DYRK1A: variants seen among roughly 807,000 people sequenced by gnomAD.
DYRK1A encodes the protein dual specificity tyrosine-phosphorylation-regulated kinase 1A.
In DYRK1A, 9 loss-of-function variants were observed where a neutral mutation model predicts 79.7. The ratio of observed to expected loss-of-function variants is 0.11; its 90% CI spans 0.07 to 0.20. The LOEUF (loss-of-function observed/expected upper bound fraction) is 0.20. Among genes scored for constraint, DYRK1A ranks in the 10% least tolerant of loss-of-function variants. DYRK1A has a pLI of 1.00. For synonymous variants in DYRK1A, 349 were observed against 329.7 expected (o/e 1.06, Z -0.63); for missense variants, 622 against 956.0 (o/e 0.65, Z 4.61).
At position 37,480,808 on chromosome 21, in the gene DYRK1A, C is replaced by G. The variant is rs771460895; in HGVS notation, c.471C>G (p.Gly157=). 3 of 1,601,696 alleles carry G rather than the reference C, an allele frequency of 1.9e-6. No individual in the cohort carries two copies. The highest frequency in any genetic ancestry group is 3.5e-5 in the Admixed American group (2 of 57,438). ...MDRYEIDSLI[G]KGSFGQVVKA... is the part of the protein sequence containing the mutation. ...GTTACGAAATTGACTCCTTGATAGG[C>G]AAAGGTTCCTTTGGACAGGTAATTT... Residue 157 remains glycine (G), a synonymous_variant, in exon 5 of 12, where the codon GGC becomes GGG. Coordinates refer to ENST00000647188, the MANE Select transcript of DYRK1A (RefSeq NM_001347721.2).
At chr21:37,441,140 G>A (rs758130160) in intron 2 of DYRK1A, among the ~76,000 whole-genome samples, 3 of 152,066 alleles carry the variant, frequency 2.0e-5, no homozygotes, top group African/African-American at 7.2e-5. Flanking sequence ...TTTATCATTG[G>A]AAAATAACTT....
Position 37,480,882 on chromosome 21 carries a change from CTTG to C in DYRK1A, c.489+62_489+64del, listed in dbSNP as rs1319756195. The C allele has an allele frequency of 4.9e-6, 7 of 1,425,746 alleles. No homozygotes were observed. The South Asian group carries it at 5.5e-5, about 11-fold the overall frequency. The allele number at this position is 1,425,746 out of a possible 1,614,324, so 88.3% of individuals were successfully genotyped here. On this transcript the variant is annotated intron_variant, in intron 5 of 11. Transcript: ENST00000647188. ...AGTTAGAAAGAACTTCTTAGTGAAT[CTTG>C]TTGTTAACAGCCCTTCCTCAAGAGT...
At chr21:37,417,529 C>CTTTTTCTTTTTCTTTTTCTTTTTCTT (rs1555959239) in intron 1 of DYRK1A, among the ~76,000 whole-genome samples, 1 of 44,048 alleles carries the variant, frequency 2.3e-5, no homozygotes, top group Admixed American at 3.2e-4. Context: ...TTTTCTTTTT[C>CTTTTTCTTTTTCTTTTTCTTTTTCTT]TTTTTTTTTT....
intron 11 of DYRK1A, among the ~76,000 whole-genome samples, chr21:37,510,931 C>T (rs1381277910): frequency 1.3e-5 from 2 of 152,174 alleles, no homozygotes; most frequent in Non-Finnish European, 2.9e-5. Context: ...TGTGCACAAC[C>T]AGTAGCTTCT....
intron 1 of DYRK1A, among the ~76,000 whole-genome samples, chr21:37,392,607 G>A (rs1405273328): frequency 1.3e-5 from 2 of 152,142 alleles, no homozygotes; most frequent in African/African-American, 4.8e-5. Context: ...TGGAAGGGCA[G>A]GGCAACTTCC....
chr21:37,428,216 C>G, intron 2 of DYRK1A, among the ~76,000 whole-genome samples: 1 of 152,126 alleles, frequency 6.6e-6, no homozygotes, highest in Non-Finnish European at 1.5e-5. Context: ...GGTACATTTT[C>G]CAGTTTGCAT....
At chr21:37,465,866 A>G (rs1035426897) in intron 2 of DYRK1A, among the ~76,000 whole-genome samples, 2 of 152,196 alleles carry the variant, frequency 1.3e-5, no homozygotes, top group Admixed American at 6.5e-5. Flanking sequence ...TTGACTTTCA[A>G]GCTCTACTGA....
intron 11 of DYRK1A, chr21:37,506,455 A>C (rs1183593624): frequency 7.6e-7 from 1 of 1,313,176 alleles, no homozygotes; most frequent in Non-Finnish European, 1.0e-6. Context: ...TGTTTTGAAC[A>C]GTTTTTTTCC....
chr21:37,392,035 T>C (rs976694718), intron 1 of DYRK1A, among the ~76,000 whole-genome samples: 2 of 152,244 alleles, frequency 1.3e-5, no homozygotes, highest in Non-Finnish European at 1.5e-5. Flanking sequence ...TATCCATCTT[T>C]CATAAATGAT....
intron 2 of DYRK1A, among the ~76,000 whole-genome samples, chr21:37,431,627 A>C (rs544567024): frequency 7.2e-5 from 11 of 152,262 alleles, no homozygotes; most frequent in African/African-American, 2.6e-4. Flanking sequence ...GAGGATGACT[A>C]CTTACCCCTT....
At position 37,496,203 on chromosome 21, in the gene DYRK1A, T is replaced by G. The variant is rs965505397; in HGVS notation, c.1157T>G (p.Phe386Cys). Residue 386 changes from phenylalanine (F) to cysteine (C), a missense_variant, in exon 9 of 12, where the codon TTT (phenylalanine) becomes TGT (cysteine). Phe to Cys is a radical substitution (Grantham distance 205, BLOSUM62 -2). Transcript: ENST00000647188. ...LDQAPKARKF[F>C]EKLPDGTWNL... ...CAAGCACCAAAAGCAAGAAAGTTCT[T>G]TGAGAAGTTGCCAGATGGCACTTGG... is the stretch of plus-strand genomic sequence containing the variant. 3.7e-6 allele frequency: 6 copies of G among 1,614,118 alleles called. No individual in the cohort carries two copies. Among genetic ancestry groups the G allele is most frequent in the Non-Finnish European group, 5.1e-6 (6 of 1,179,996 alleles).
At chr21:37,479,589 G>GTTTTTTTTTT (rs1569361929) in intron 4 of DYRK1A, among the ~76,000 whole-genome samples, 3 of 74,382 alleles carry the variant, frequency 4.0e-5, no homozygotes, top group African/African-American at 1.7e-4. Context: ...CAGTGTTGGT[G>GTTTTTTTTTT]TTTTGTTTTT....
intron 1 of DYRK1A, among the ~76,000 whole-genome samples, chr21:37,382,720 A>G (rs2049682241): frequency 6.6e-6 from 1 of 152,228 alleles, no homozygotes; most frequent in Non-Finnish European, 1.5e-5. Context: ...CAGACCAGCC[A>G]CTGGCCTACT....
rs1030723948 is a variant in DYRK1A, at chr21:37,493,109, G to A, written c.1017G>A (p.Gly339=). 3 of 1,613,664 alleles carry A rather than the reference G, an allele frequency of 1.9e-6. No individual in the cohort carries two copies. Among genetic ancestry groups the A allele is most frequent in the African/African-American group, 1.3e-5 (1 of 74,916 alleles). Residue 339 remains glycine, a synonymous_variant, in exon 8 of 12, where the codon GGG becomes GGA. Transcript: ENST00000647188. ...TTGCCATTGATATGTGGTCCCTCGG[G>A]TGTATTTTGGTTGAAATGCACACTG... ...YDLAIDMWSL[G]CILVEMHTGE... is the part of the protein sequence containing the mutation.
chr21:37,369,762 G>C (rs1187429772), intron 1 of DYRK1A, among the ~76,000 whole-genome samples: 2 of 152,166 alleles, frequency 1.3e-5, no homozygotes, highest in Non-Finnish European at 2.9e-5. Context: ...TGGTAGGGGT[G>C]GGAAATGGAC....
At position 37,480,287 on chromosome 21, in the gene DYRK1A, T is replaced by G. The variant is rs112051322; in HGVS notation, c.301-351T>G. ...GACATGAAAATGTTACTTGGCTGTTTGGCATTTGGTAACTTTTGTCAAAAT... is the reference window on the plus strand; with the variant it reads ...GACATGAAAATGTTACTTGGCTGTTGGGCATTTGGTAACTTTTGTCAAAAT... On this transcript the variant is annotated intron_variant, in intron 4 of 11. Coordinates refer to ENST00000647188, the MANE Select transcript of DYRK1A (RefSeq NM_001347721.2). 2.0e-5 allele frequency among the ~76,000 whole-genome samples: 3 copies of G among 152,200 alleles called. 1 individual carries two copies. Among genetic ancestry groups the G allele is most frequent in the African/African-American group, 2.4e-5 (1 of 41,446 alleles).
chr21:37,444,919 A>G (rs1393433509), intron 2 of DYRK1A, among the ~76,000 whole-genome samples: 1 of 152,146 alleles, frequency 6.6e-6, no homozygotes, highest in Admixed American at 6.5e-5. Context: ...TAGGTGCTAC[A>G]CCGAACATAT....
chr21:37,506,496 T>C (rs1208259238), intron 11 of DYRK1A: 1 of 952,830 alleles, frequency 1.0e-6, no homozygotes, highest in Non-Finnish European at 1.5e-6. Flanking sequence ...AAGCAGCGTT[T>C]TGAGCCTCAT....
At chr21:37,434,963 T>C (rs1048774232) in intron 2 of DYRK1A, among the ~76,000 whole-genome samples, 2 of 152,228 alleles carry the variant, frequency 1.3e-5, no homozygotes, top group Non-Finnish European at 2.9e-5. Context: ...GATGGCAGCA[T>C]CTGTTAGAAA....
Sources: gnomAD v4.1 joint callset for allele counts (sites outside exome capture counted in the v4.1 genomes callset) on GRCh38, gnomAD v4.1.1 for gene constraint, MANE v1.5 for transcripts, NCBI Gene and HGNC (gene_info 2026-07-23, HGNC 2026-07-21) for gene names.